The following TTLL5 variants were observed in gnomAD, a reference collection of about 807,000 sequenced individuals.
The protein encoded by TTLL5 is tubulin tyrosine ligase like 5.
In TTLL5, 132 loss-of-function variants were observed where a neutral mutation model predicts 168.4. That is an observed-to-expected ratio of 0.78 (90% CI 0.68 to 0.91). The LOEUF is 0.91. TTLL5 is among the 40% of genes least tolerant of loss of function. TTLL5 has a pLI of 0.00. For missense variants in TTLL5, 1,545 were observed against 1,581.5 expected, an observed-to-expected ratio of 0.98 and a Z score of 0.39; for synonymous variants, 546 against 558.6, an observed-to-expected ratio of 0.98 and a Z score of 0.32.
At chr14:75,730,877 G>A (rs1888489252) in intron 12 of TTLL5, among the ~76,000 whole-genome samples, 1 of 151,998 alleles carries the variant, frequency 6.6e-6, no homozygotes, top group East Asian at 1.9e-4. Context: ...CTGCCACCAC[G>A]CCCAGCTAAT....
At chr14:75,708,212 T>C (rs1293438229) in intron 9 of TTLL5, among the ~76,000 whole-genome samples, 1 of 152,068 alleles carries the variant, frequency 6.6e-6, no homozygotes, top group Non-Finnish European at 1.5e-5. Context: ...GGATTTGACC[T>C]CATGGATCTG....
At chr14:75,880,970 G>A (rs1455698682) in intron 29 of TTLL5, among the ~76,000 whole-genome samples, 5 of 152,136 alleles carry the variant, frequency 3.3e-5, no homozygotes, top group African/African-American at 1.2e-4. Flanking sequence ...CTGGAGTGCA[G>A]TGGTGCAGTC....
intron 25 of TTLL5, 151 bp from the exon 26 acceptor site, chr14:75,782,996 A>G (rs1049153685): frequency 1.1e-6 from 1 of 921,200 alleles, no homozygotes; most frequent in Non-Finnish European, 1.6e-6. Flanking sequence ...CATTAAGTTT[A>G]TGATGAACAC....
Position 75,689,945 on chromosome 14 carries a change from G to A in TTLL5, c.372-247G>A, listed in dbSNP as rs565106241. 1.7e-4 allele frequency: 67 copies of A among 387,272 alleles called. 1 individual carries two copies. In the South Asian group the frequency reaches 1.9e-3, roughly 11 times the overall value. 24.0% of individuals were successfully genotyped at this position (387,272 alleles called of 1,614,324 possible). A position where few individuals can be genotyped will look rare whatever the true frequency, so the allele number is the denominator to read the frequency against. On this transcript the variant is annotated intron_variant, in intron 5 of 31. Transcript: ENST00000298832. ...TTGTATGTGTTTGTCCAAACTCATA[G>A]AATTACACATTAAAAAGGGCAAATT...
At chr14:75,683,057 C>T (rs1278238982) in intron 4 of TTLL5, among the ~76,000 whole-genome samples, 2 of 152,334 alleles carry the variant, frequency 1.3e-5, no homozygotes, top group African/African-American at 4.8e-5. Flanking sequence ...CAGGCATGAG[C>T]CACCGCACTT....
chr14:75,879,559 T>C (rs2031687813), intron 29 of TTLL5, among the ~76,000 whole-genome samples: 1 of 152,220 alleles, frequency 6.6e-6, no homozygotes, highest in Non-Finnish European at 1.5e-5. Flanking sequence ...GTTACCTACA[T>C]GATGACCTCC....
intron 12 of TTLL5, 35 bp from the exon 13 acceptor site, chr14:75,732,303 A>G (rs776228421): frequency 1.9e-6 from 3 of 1,589,626 alleles, no homozygotes; most frequent in Non-Finnish European, 1.7e-6. Context: ...GACATGGAAA[A>G]TGATCTTGTG....
intron 28 of TTLL5, among the ~76,000 whole-genome samples, chr14:75,829,732 G>A (rs1040601505): frequency 6.6e-6 from 1 of 152,124 alleles, no homozygotes. Context: ...ATAGGCTACG[G>A]ATAGGTTAAG....
chr14:75,921,039 G>A (rs1225745961), intron 31 of TTLL5, among the ~76,000 whole-genome samples: 1 of 152,146 alleles, frequency 6.6e-6, no homozygotes, highest in African/African-American at 2.4e-5. Context: ...AGAAGTGTCT[G>A]TTCATATCCT....
intron 29 of TTLL5, among the ~76,000 whole-genome samples, chr14:75,877,656 C>T (rs2031569408): frequency 1.3e-5 from 2 of 152,220 alleles, no homozygotes; most frequent in African/African-American, 4.8e-5. Flanking sequence ...TGGTGCAGCT[C>T]CTATGCCTGT....
At chr14:75,800,527 T>G (rs1893239613) in intron 27 of TTLL5, among the ~76,000 whole-genome samples, 1 of 152,360 alleles carries the variant, frequency 6.6e-6, no homozygotes, top group Middle Eastern at 3.4e-3. Flanking sequence ...TGTGATCTTT[T>G]GGGAGTGTTA....
chr14:75,765,973 G>A, intron 19 of TTLL5, 89 bp from the exon 20 acceptor site: 1 of 1,198,158 alleles, frequency 8.3e-7, no homozygotes, highest in Non-Finnish European at 1.2e-6. Flanking sequence ...TTTAGAAATG[G>A]GCTTTTACTA....
At chr14:75,814,142 A>G (rs1311789049) in intron 27 of TTLL5, among the ~76,000 whole-genome samples, 1 of 152,260 alleles carries the variant, frequency 6.6e-6, no homozygotes, top group Non-Finnish European at 1.5e-5. Flanking sequence ...ATATTCCAAA[A>G]TACAAAAAAA....
chr14:75,763,251 C>CTGTGTGTG (rs1308717196), intron 18 of TTLL5, among the ~76,000 whole-genome samples: 16 of 33,868 alleles, frequency 4.7e-4, no homozygotes, highest in East Asian at 1.2e-3. Context: ...CTATAGCTCT[C>CTGTGTGTG]TCTCTGTGTG....
At chr14:75,662,438 C>G (rs1011168215) in intron 1 of TTLL5, among the ~76,000 whole-genome samples, 6 of 151,692 alleles carry the variant, frequency 4.0e-5, no homozygotes, top group Non-Finnish European at 5.9e-5. Context: ...GATTCTCCTC[C>G]CTCAGCCTCC....
chr14:75,699,388 T>C (rs1886096648), intron 7 of TTLL5, 118 bp downstream of exon 7: 3 of 929,186 alleles, frequency 3.2e-6, no homozygotes, highest in African/African-American at 1.7e-5. Context: ...TTCTTAAATC[T>C]GCATTCAGAA....
At chr14:75,934,911 G>A (rs540597512) in intron 31 of TTLL5, among the ~76,000 whole-genome samples, 2 of 152,166 alleles carry the variant, frequency 1.3e-5, no homozygotes, top group Admixed American at 1.3e-4. Context: ...AAGAACATCC[G>A]GTGAAGAGTA....
At chr14:75,694,577 G>T (rs146356621) in intron 6 of TTLL5, among the ~76,000 whole-genome samples, 5 of 152,060 alleles carry the variant, frequency 3.3e-5, no homozygotes, top group South Asian at 2.1e-4. Context: ...CAGGTGATCC[G>T]CCCACCTCGG....
chr14:75,950,011 C>T (rs1001520999), intron 31 of TTLL5, among the ~76,000 whole-genome samples: 6 of 152,004 alleles, frequency 3.9e-5, no homozygotes, highest in Admixed American at 6.6e-5. Context: ...ATGGGGATGT[C>T]AGTAGGGGGC....
Sources: allele counts gnomAD v4.1 joint callset (sites outside exome capture counted in the v4.1 genomes callset), GRCh38; gene constraint gnomAD v4.1.1; transcripts MANE v1.5; gene names NCBI Gene and HGNC (gene_info 2026-07-23, HGNC 2026-07-21).